Variants in FECH observed in about 807,000 individuals in gnomAD.
FECH encodes ferrochelatase.
Under a neutral mutation model 56.9 loss-of-function variants are expected in FECH, and 40 were observed. The ratio of observed to expected loss-of-function variants is 0.70; its 90% confidence interval spans 0.55 to 0.92. FECH has a LOEUF of 0.92. FECH is among the 40% of genes least tolerant of loss of function. The pLI, the probability that FECH is intolerant of heterozygous loss-of-function variation, is 0.00. For missense variants in FECH, 431 were observed against 529.1 expected (o/e 0.81, Z 1.82); for synonymous variants, 175 against 198.6 (o/e 0.88, Z 1.00).
Position 57,586,563 on chromosome 18 carries a change from G to GGAGCAGGACGCCCGCGGC in FECH, c.40_57dup (p.Ala14_Leu19dup), listed in dbSNP as rs1481112847. 6 of 1,521,982 alleles carry GGAGCAGGACGCCCGCGGC rather than the reference G, an allele frequency of 3.9e-6. No individual in the cohort carries two copies. Among genetic ancestry groups the GGAGCAGGACGCCCGCGGC allele is most frequent in the African/African-American group, 1.4e-5 (1 of 70,308 alleles). 94.3% of individuals were successfully genotyped at this position (1,521,982 alleles called of 1,614,324 possible). A position where few individuals can be genotyped will look rare whatever the true frequency, so the allele number is the denominator to read the frequency against. On this transcript the variant is annotated inframe_insertion, in exon 1 of 11. Coordinates refer to ENST00000262093, the MANE Select transcript of FECH (RefSeq NM_000140.5). ...CGACAGACCCACTTACGCGGATCGC[G>GGAGCAGGACGCCCGCGGC]GAGCAGGACGCCCGCGGCGCGCAGG...
chr18:57,586,521 G>A, intron 1 of FECH, 33 bp downstream of exon 1: 1 of 1,518,484 alleles, frequency 6.6e-7, no homozygotes, highest in South Asian at 1.2e-5. Flanking sequence ...CAGGGATCCT[G>A]GCCCTGGCGG....
rs8099115 is a variant in FECH, at chr18:57,550,595, G to C, written c.*117C>G. On this transcript the variant is annotated 3_prime_UTR_variant, in exon 11 of 11. Transcript: ENST00000262093. ...ACCACACAATTTGTACCCAAAGGCT[G>C]TATATATATCAAGGAAGGATGACTT... is the stretch of plus-strand genomic sequence containing the variant. 24 of 1,319,176 alleles carry C rather than the reference G, an allele frequency of 1.8e-5. No individual in the cohort carries two copies. The South Asian group carries it at 3.0e-4, about 16-fold the overall frequency. 81.7% of individuals were successfully genotyped at this position (1,319,176 alleles called of 1,614,324 possible). A position where few individuals can be genotyped will look rare whatever the true frequency, so the allele number is the denominator to read the frequency against.
Position 57,575,687 on chromosome 18 carries a change from G to A in FECH, c.195-2322C>T, listed in dbSNP as rs78718777. On this transcript the variant is annotated intron_variant, in intron 2 of 10. Coordinates refer to ENST00000262093, the MANE Select transcript of FECH (RefSeq NM_000140.5). The stretch of plus-strand genomic sequence containing the variant: ...CAAACTCCTGGCTCAGGCTCCCAAA[G>A]TGCTGAGATTACAGGTGTGAGCCAT... Among the ~76,000 whole-genome samples the A allele has an allele frequency of 3.5e-3, 531 of 152,290 alleles. 9 individuals carry two copies. The highest frequency in any genetic ancestry group is 0.035 in the East Asian group (180 of 5,176).
chr18:57,560,999 A>C (rs1236515335), intron 6 of FECH, among the ~76,000 whole-genome samples: 1 of 152,202 alleles, frequency 6.6e-6, no homozygotes, highest in Non-Finnish European at 1.5e-5. Flanking sequence ...GTAAATTCTC[A>C]GCAAATGTGA....
rs2050773275 is a variant in FECH at position 57,549,824 on chromosome 18, A to ATCCC, written c.*887_*888insGGGA. 1 of 152,212 alleles carries ATCCC rather than the reference A, an allele frequency of 6.6e-6. No individual in the cohort carries two copies. Among genetic ancestry groups the ATCCC allele is most frequent in the African/African-American group, 2.4e-5 (1 of 41,462 alleles). 9.4% of individuals were successfully genotyped at this position (152,212 alleles called of 1,614,324 possible). A position where few individuals can be genotyped will look rare whatever the true frequency, so the allele number is the denominator to read the frequency against. ...AAAGTATTGTTGACTTTATAAAATA[A>ATCCC]TTCTTAAAACAAATGTTCAGAAAGA... On this transcript the variant is annotated 3_prime_UTR_variant, in exon 11 of 11. Coordinates refer to ENST00000262093, the MANE Select transcript of FECH (RefSeq NM_000140.5).
chr18:57,546,731 C>T lies in FECH; in HGVS notation c.*3981G>A, dbSNP rs1430345038. 3.3e-5 allele frequency among the ~76,000 whole-genome samples: 5 copies of T among 151,706 alleles called. No individual in the cohort carries two copies. Among genetic ancestry groups the T allele is most frequent in the Non-Finnish European group, 5.9e-5 (4 of 67,932 alleles). Reference sequence around the variant, plus strand: ...ATCCCAACACTTTCAGAGGCTGAGGCGGGTGGATCACGAGGTCAGGAATTA... The same window carrying T: ...ATCCCAACACTTTCAGAGGCTGAGGTGGGTGGATCACGAGGTCAGGAATTA... On this transcript the variant is annotated 3_prime_UTR_variant, in exon 11 of 11. Transcript: ENST00000262093.
In FECH at chr18:57,554,491, G is replaced by GC; in HGVS notation, c.913-68dup. On this transcript the variant is annotated intron_variant, in intron 8 of 10. Transcript: ENST00000262093. ...CTGACGGTCTGTAGTACCCCTGTTT[G>GC]CCCCCCTGGGCACACGCACTGCCCA... The GC allele has an allele frequency of 1.0e-5, 16 of 1,562,560 alleles. No homozygotes were observed. In the South Asian group the frequency reaches 1.7e-4, roughly 16 times the overall value.
At chr18:57,579,267 A>G (rs1568154225) in intron 2 of FECH, among the ~76,000 whole-genome samples, 1 of 125,408 alleles carries the variant, frequency 8.0e-6, no homozygotes, top group Non-Finnish European at 1.7e-5. Flanking sequence ...AAAGATATAT[A>G]TATATATGTG....
chr18:57,567,878 T>A (rs928332853), intron 4 of FECH: 1 of 152,190 alleles, frequency 6.6e-6, no homozygotes, highest in Non-Finnish European at 1.5e-5. Flanking sequence ...GGTTGGGTAC[T>A]GCAAAAAAGA....
chr18:57,585,303 G>A lies in FECH; in HGVS notation c.67+1251C>T, dbSNP rs1164416372. On this transcript the variant is annotated intron_variant, in intron 1 of 10. Coordinates refer to ENST00000262093, the MANE Select transcript of FECH (RefSeq NM_000140.5). Reference sequence around the variant, plus strand: ...TAACTATGCCTTCAAATCAAAGTCTGTAACACAAATAAGACTCCAAATCTA... The same window carrying A: ...TAACTATGCCTTCAAATCAAAGTCTATAACACAAATAAGACTCCAAATCTA... Among the ~76,000 whole-genome samples, 4 of 152,160 alleles carry A rather than the reference G, an allele frequency of 2.6e-5. No individual in the cohort carries two copies. In the South Asian group the frequency reaches 8.3e-4, roughly 32 times the overall value.
At chr18:57,579,250 A>AG in intron 2 of FECH, among the ~76,000 whole-genome samples, 1 of 83,068 alleles carries the variant, frequency 1.2e-5, no homozygotes, top group South Asian at 2.9e-4. Context: ...TCTCTCAAAA[A>AG]AAAAAAAAAG....
chr18:57,550,438 T>C lies in FECH; in HGVS notation c.*274A>G, dbSNP rs1001412351. 9.8e-6 allele frequency: 4 copies of C among 407,078 alleles called. No homozygotes were observed. The highest frequency in any genetic ancestry group is 8.1e-5 in the African/African-American group (4 of 49,370). The allele number at this position is 407,078 out of a possible 1,614,324, so 25.2% of individuals were successfully genotyped here. A position where few individuals can be genotyped will look rare whatever the true frequency, so the allele number is the denominator to read the frequency against. ...AAATAGGTGTGTCTCATAAGACAAA[T>C]TTTTAACTCATTTATTAAAGGTCCT... On this transcript the variant is annotated 3_prime_UTR_variant, in exon 11 of 11. Coordinates refer to ENST00000262093, the MANE Select transcript of FECH (RefSeq NM_000140.5).
intron 9 of FECH, among the ~76,000 whole-genome samples, chr18:57,553,235 T>TTTTTTTTTTTTTTTTTTTTTTGAGACGG: frequency 6.6e-6 from 1 of 152,150 alleles, no homozygotes; most frequent in East Asian, 1.9e-4. Context: ...AACCATTTCT[T>TTTTTTTTTTTTTTTTTTTTTTGAGACGG]AGCCAATTAC....
chr18:57,559,323 A>AG, intron 6 of FECH, 80 bp from the exon 7 acceptor site: 1 of 1,036,480 alleles, frequency 9.6e-7, no homozygotes. Flanking sequence ...TTTAAAATGA[A>AG]GCCTACACCA....
intron 8 of FECH, among the ~76,000 whole-genome samples, 171 bp downstream of exon 8, chr18:57,554,674 T>C (rs1037753630): frequency 2.0e-5 from 3 of 152,238 alleles, no homozygotes; most frequent in South Asian, 2.1e-4. Flanking sequence ...CACGAGTCAC[T>C]TGATTTCCCC....
In FECH at chr18:57,550,782, A is replaced by T; in HGVS notation, c.1202T>A (p.Leu401Gln). Residue 401 changes from leucine to glutamine, a missense_variant, in exon 11 of 11, where the codon CTG becomes CAG. Coordinates refer to ENST00000262093, the MANE Select transcript of FECH (RefSeq NM_000140.5). ...AGGATTGACACAGAGCGGACAGCTCAGGGTCAGCTGCTTGGAACACAGCTC... is the reference window on the plus strand; with the variant it reads ...AGGATTGACACAGAGCGGACAGCTCTGGGTCAGCTGCTTGGAACACAGCTC... ...SNELCSKQLT[L>Q]SCPLCVNPVC... 6.2e-7 allele frequency: 1 copy of T among 1,614,130 alleles called. No individual in the cohort carries two copies. Among genetic ancestry groups the T allele is most frequent in the Non-Finnish European group, 8.5e-7 (1 of 1,179,992 alleles).
At chr18:57,551,184 C>A in intron 10 of FECH, 131 bp downstream of exon 10, 1 of 748,056 alleles carries the variant, frequency 1.3e-6, no homozygotes, top group Non-Finnish European at 2.2e-6. Context: ...ATAAGGAATT[C>A]GATTTTATTT....
At chr18:57,582,965 T>C (rs1243433214) in intron 1 of FECH, among the ~76,000 whole-genome samples, 2 of 151,660 alleles carry the variant, frequency 1.3e-5, no homozygotes, top group African/African-American at 4.8e-5. Flanking sequence ...TTCCAACTAG[T>C]AGATGAGGAT....
In FECH at chr18:57,573,334, T is replaced by A. The variant is rs746834796; in HGVS notation, c.226A>T (p.Met76Leu). 6.2e-7 allele frequency: 1 copy of A among 1,614,104 alleles called. No individual in the cohort carries two copies. The highest frequency in any genetic ancestry group is 1.7e-5 in the Admixed American group (1 of 60,032). ...TCTCCAAGAGTTTCAGGGCCTCCCA[T>A]GTTTAGCATTAATATTCCAGTTTTC... ...KPKTGILMLN[M>L]GGPETLGDVH... Residue 76 changes from methionine to leucine, a missense_variant, in exon 3 of 11, where the codon ATG (methionine) becomes TTG (leucine). By Grantham distance (15) the Met-to-Leu change is conservative. Coordinates refer to ENST00000262093, the MANE Select transcript of FECH (RefSeq NM_000140.5).
Sources: allele counts gnomAD v4.1 joint callset (sites outside exome capture counted in the v4.1 genomes callset), GRCh38; gene constraint gnomAD v4.1.1; transcripts MANE v1.5; gene names NCBI Gene and HGNC (gene_info 2026-07-23, HGNC 2026-07-21).